The following CNBD1 variants were observed in gnomAD, a reference collection of about 807,000 sequenced individuals.
CNBD1 encodes cyclic nucleotide-binding domain-containing protein 1.
In CNBD1, 71 loss-of-function variants were observed where a neutral mutation model predicts 54.4. The observed-to-expected ratio is 1.30, with a 90% CI of 1.08 to 1.59. CNBD1 has a LOEUF of 1.59. Among genes scored for constraint, CNBD1 ranks in the 40% most tolerant of loss-of-function variants. The pLI is 0.00. For synonymous variants in CNBD1, 182 were observed against 170.7 expected, an observed-to-expected ratio of 1.07 and a Z score of -0.51; for missense variants, 659 against 518.0, an observed-to-expected ratio of 1.27 and a Z score of -2.64.
At chr8:87,250,312 A>T (rs1032209605) in intron 6 of CNBD1, among the ~76,000 whole-genome samples, 7 of 152,202 alleles carry the variant, frequency 4.6e-5, no homozygotes, top group African/African-American at 1.7e-4. Flanking sequence ...GTTATCCAAG[A>T]CAGGTAATCA....
chr8:87,405,041 C>A (rs952190988), intron 2 of CNBD1, among the ~76,000 whole-genome samples: 1 of 151,946 alleles, frequency 6.6e-6, no homozygotes, highest in Admixed American at 6.6e-5. Context: ...TCTTATATAT[C>A]AGTACTGAGT....
intron 4 of CNBD1, among the ~76,000 whole-genome samples, chr8:87,041,807 T>A (rs1208147330): frequency 6.6e-6 from 1 of 151,844 alleles, no homozygotes; most frequent in African/African-American, 2.4e-5. Context: ...TCAAAAAAAA[T>A]AAGAAAACCA....
chr8:87,409,056 T>A (rs1807697332), intron 2 of CNBD1, among the ~76,000 whole-genome samples: 1 of 152,150 alleles, frequency 6.6e-6, no homozygotes, highest in Non-Finnish European at 1.5e-5. Context: ...TTTCTTTTAC[T>A]TTAAATCAAA....
intron 4 of CNBD1, among the ~76,000 whole-genome samples, chr8:87,058,710 C>T (rs1810478308): frequency 6.6e-6 from 1 of 152,176 alleles, no homozygotes; most frequent in Admixed American, 6.5e-5. Context: ...CCCAAGGCTG[C>T]ACGCAGTAGG....
intron 2 of CNBD1, among the ~76,000 whole-genome samples, chr8:87,413,808 A>G (rs1171660255): frequency 6.6e-6 from 1 of 151,326 alleles, no homozygotes; most frequent in Non-Finnish European, 1.5e-5. Flanking sequence ...AATGCAAATC[A>G]AAACCACAAT....
At chr8:87,058,316 G>T (rs552682949) in intron 4 of CNBD1, among the ~76,000 whole-genome samples, 1 of 152,256 alleles carries the variant, frequency 6.6e-6, no homozygotes, top group African/African-American at 2.4e-5. Flanking sequence ...AGCTTTTCCA[G>T]GCATGTGGTG....
At chr8:87,060,589 T>C (rs1810520328) in intron 4 of CNBD1, among the ~76,000 whole-genome samples, 2 of 152,212 alleles carry the variant, frequency 1.3e-5, no homozygotes, top group South Asian at 4.1e-4. Context: ...AGGCCCATTG[T>C]ATTGTGAAAG....
intron 2 of CNBD1, among the ~76,000 whole-genome samples, chr8:87,412,763 G>T (rs531250696): frequency 2.8e-4 from 42 of 152,100 alleles, no homozygotes; most frequent in African/African-American, 1.4e-4. Context: ...AAGATTTGAG[G>T]AACTTCAGTA....
intron 4 of CNBD1, among the ~76,000 whole-genome samples, chr8:87,001,316 A>T (rs185838507): frequency 6.6e-6 from 1 of 151,736 alleles, no homozygotes; most frequent in African/African-American, 2.4e-5. Context: ...AATAAGTAGG[A>T]CTCTTCTCCA....
rs3056356 is a variant in CNBD1, at chr8:87,183,385, G to GT, written c.432-22590dup. 4.4e-3 allele frequency among the ~76,000 whole-genome samples: 524 copies of GT among 118,398 alleles called. 4 individuals are homozygous for GT. Among genetic ancestry groups the GT allele is most frequent in the Middle Eastern group, 0.018 (4 of 218 alleles). 77.7% of individuals were successfully genotyped at this position (118,398 alleles called of 152,430 possible). On this transcript the variant is annotated intron_variant, in intron 4 of 10. Transcript: ENST00000518476. The stretch of plus-strand genomic sequence containing the variant: ...TTGTTTGTTTGTTTTTGCGCTGTTT[G>GT]TTTTTTTTTTTTTTTTTTGCTAATG...
intron 4 of CNBD1, among the ~76,000 whole-genome samples, chr8:87,072,889 T>C (rs1351360460): frequency 2.0e-5 from 3 of 152,192 alleles, no homozygotes; most frequent in Non-Finnish European, 2.9e-5. Context: ...CTGGATGATA[T>C]CTTGTAGTAT....
At chr8:86,983,794 C>T (rs1808543271) in intron 4 of CNBD1, among the ~76,000 whole-genome samples, 1 of 152,104 alleles carries the variant, frequency 6.6e-6, no homozygotes, top group Non-Finnish European at 1.5e-5. Flanking sequence ...GAATTGGGTG[C>T]TGTTAAAAGC....
downstream of CNBD1, among the ~76,000 whole-genome samples, chr8:87,387,350 T>G (rs985949214): frequency 4.6e-5 from 7 of 151,940 alleles, no homozygotes; most frequent in African/African-American, 7.3e-5. Context: ...TGTGCTGTAT[T>G]CAGGAAACCC....
intron 4 of CNBD1, among the ~76,000 whole-genome samples, chr8:86,997,982 C>T (rs1235327065): frequency 1.3e-5 from 2 of 152,014 alleles, no homozygotes; most frequent in Non-Finnish European, 2.9e-5. Flanking sequence ...GAGAGTGAGC[C>T]CATAATGTAC....
At chr8:86,968,583 G>T (rs1441270618) in intron 4 of CNBD1, among the ~76,000 whole-genome samples, 1 of 152,188 alleles carries the variant, frequency 6.6e-6, no homozygotes, top group Non-Finnish European at 1.5e-5. Flanking sequence ...CTCCAAAGAT[G>T]ATTTTGAAGG....
intron 8 of CNBD1, among the ~76,000 whole-genome samples, chr8:87,295,017 C>T (rs749104271): frequency 1.5e-4 from 22 of 151,472 alleles, no homozygotes; most frequent in Non-Finnish European, 2.2e-4. Flanking sequence ...TTTTTTATAA[C>T]TGTTTACTTA....
chr8:87,137,096 A>ATATTTCTATTC (rs1379211084), intron 4 of CNBD1, among the ~76,000 whole-genome samples: 1 of 91,254 alleles, frequency 1.1e-5, no homozygotes. Context: ...TATTTATATT[A>ATATTTCTATTC]TATGTAAATT....
intron 2 of CNBD1, among the ~76,000 whole-genome samples, chr8:87,409,998 G>C (rs1312917298): frequency 2.0e-5 from 3 of 151,912 alleles, no homozygotes; most frequent in East Asian, 1.9e-4. Flanking sequence ...ACTCCAGCCT[G>C]GGTGACAGAG....
intron 8 of CNBD1, among the ~76,000 whole-genome samples, chr8:87,327,965 G>A (rs1398467101): frequency 6.6e-6 from 1 of 151,784 alleles, no homozygotes; most frequent in Non-Finnish European, 1.5e-5. Flanking sequence ...TTGATATCCA[G>A]TTTTTCTTTT....
Sources: gnomAD v4.1 joint callset for allele counts (sites outside exome capture counted in the v4.1 genomes callset) on GRCh38, gnomAD v4.1.1 for gene constraint, MANE v1.5 for transcripts, NCBI Gene and HGNC (gene_info 2026-07-23, HGNC 2026-07-21) for gene names.